CHCHD6: variants seen among roughly 807,000 people sequenced by gnomAD.
The protein encoded by CHCHD6 is MICOS complex subunit MIC25.
In CHCHD6, 28 loss-of-function variants were observed where a neutral mutation model predicts 32.3. The ratio of observed to expected loss-of-function variants is 0.87; its 90% CI spans 0.64 to 1.19. The LOEUF is 1.19. Among genes scored for constraint, CHCHD6 ranks in the 50% most tolerant of loss-of-function variants. The pLI, the probability that CHCHD6 is intolerant of heterozygous loss-of-function variation, is 0.00. For synonymous variants in CHCHD6, 122 were observed against 117.5 expected, an observed-to-expected ratio of 1.04 and a Z score of -0.25; for missense variants, 333 against 307.0, an observed-to-expected ratio of 1.08 and a Z score of -0.63.
intron 5 of CHCHD6, among the ~76,000 whole-genome samples, chr3:126,858,760 T>G (rs1559884674): frequency 6.6e-6 from 1 of 152,230 alleles, no homozygotes; most frequent in Non-Finnish European, 1.5e-5. Context: ...CTGAGTTCTA[T>G]AATTCTGAGT....
At chr3:126,846,483 A>G (rs952717821) in intron 4 of CHCHD6, among the ~76,000 whole-genome samples, 10 of 152,286 alleles carry the variant, frequency 6.6e-5, no homozygotes, top group African/African-American at 2.4e-4. Context: ...AATATTTCAA[A>G]GGGATCCACA....
intron 4 of CHCHD6, among the ~76,000 whole-genome samples, chr3:126,831,958 A>C (rs181718439): frequency 8.6e-4 from 131 of 152,316 alleles, no homozygotes; most frequent in African/African-American, 2.3e-3. Flanking sequence ...CCCTGGAGCA[A>C]GGGATAAAAA....
intron 5 of CHCHD6, among the ~76,000 whole-genome samples, chr3:126,864,922 TCCACCATCA>T (rs1291407610): frequency 6.0e-5 from 8 of 132,792 alleles, no homozygotes; most frequent in African/African-American, 1.3e-4. Flanking sequence ...CACCTTCTCC[TCCACCATCA>T]CCTCCTCCTC....
chr3:126,765,274 T>C (rs1165878234), intron 4 of CHCHD6, among the ~76,000 whole-genome samples: 1 of 152,090 alleles, frequency 6.6e-6, no homozygotes, highest in Non-Finnish European at 1.5e-5. Flanking sequence ...GTCCAGACCC[T>C]CTGGAAACCA....
At chr3:126,747,059 C>T (rs1227088880) in intron 4 of CHCHD6, among the ~76,000 whole-genome samples, 1 of 152,198 alleles carries the variant, frequency 6.6e-6, no homozygotes, top group African/African-American at 2.4e-5. Context: ...TCTCAGCTTT[C>T]ATGGCTGTGT....
intron 5 of CHCHD6, among the ~76,000 whole-genome samples, chr3:126,853,101 G>A (rs1214588847): frequency 3.3e-5 from 5 of 151,906 alleles, no homozygotes; most frequent in East Asian, 1.9e-4. Flanking sequence ...TAATAATAAC[G>A]TGATGTCTTG....
intron 5 of CHCHD6, among the ~76,000 whole-genome samples, chr3:126,862,764 C>T (rs1941987176): frequency 6.3e-5 from 1 of 15,870 alleles, no homozygotes; most frequent in Non-Finnish European, 1.1e-4. Context: ...CCTCCTCCAC[C>T]ATCACCACCT....
intron 6 of CHCHD6, among the ~76,000 whole-genome samples, chr3:126,917,057 G>T (rs1241891078): frequency 2.6e-5 from 4 of 152,204 alleles, no homozygotes; most frequent in Non-Finnish European, 5.9e-5. Flanking sequence ...TGTGAATTTG[G>T]CTTTATTGTC....
intron 4 of CHCHD6, among the ~76,000 whole-genome samples, chr3:126,847,938 G>A (rs919532935): frequency 5.3e-5 from 8 of 152,168 alleles, no homozygotes; most frequent in African/African-American, 1.7e-4. Context: ...TGGACCATCA[G>A]TCTGTCTTCC....
At chr3:126,916,400 TAAA>T (rs11338384) in intron 6 of CHCHD6, among the ~76,000 whole-genome samples, 40 of 139,728 alleles carry the variant, frequency 2.9e-4, no homozygotes, top group Admixed American at 4.9e-4. Context: ...GAATCCATCT[TAAA>T]AAAAAAAAAA....
At position 126,894,322 on chromosome 3, in the gene CHCHD6, G is replaced by C. The variant is rs532548466; in HGVS notation, c.496-20358G>C. ...TTCTCCTGAGGGCCCACAAGGGTCT[G>C]TGGAAATGAAGTCCATGGTCTTTTT... On this transcript the variant is annotated intron_variant, in intron 5 of 7. Coordinates refer to ENST00000290913, the MANE Select transcript of CHCHD6 (RefSeq NM_032343.3). Among the ~76,000 whole-genome samples, 19 of 152,372 alleles carry C rather than the reference G, an allele frequency of 1.2e-4. No homozygotes were observed. In the South Asian group the frequency reaches 3.9e-3, roughly 32 times the overall value.
intron 1 of CHCHD6, among the ~76,000 whole-genome samples, chr3:126,713,638 A>G (rs959076871): frequency 6.6e-6 from 1 of 151,976 alleles, no homozygotes; most frequent in Non-Finnish European, 1.5e-5. Flanking sequence ...CTGGGCCAAA[A>G]TGATCTATTC....
intron 5 of CHCHD6, among the ~76,000 whole-genome samples, chr3:126,888,294 G>C (rs2077705985): frequency 2.0e-5 from 3 of 152,230 alleles, no homozygotes; most frequent in African/African-American, 7.2e-5. Context: ...GGACTTCCAT[G>C]TGGTTTAAGC....
Position 126,744,474 on chromosome 3 carries a change from G to C in CHCHD6, c.411+11252G>C, listed in dbSNP as rs79070399. Among the ~76,000 whole-genome samples the C allele has an allele frequency of 2.6e-3, 394 of 152,310 alleles. 1 individual carries two copies. Among genetic ancestry groups the C allele is most frequent in the African/African-American group, 9.1e-3 (378 of 41,566 alleles). ...CTTTGTCTACTTGGTGGGTGAGCCA[G>C]GGCCCTATCTCCTGTGTGTTGGCTA... On this transcript the variant is annotated intron_variant, in intron 4 of 7. Coordinates refer to ENST00000290913, the MANE Select transcript of CHCHD6 (RefSeq NM_032343.3).
chr3:126,735,718 T>G (rs1279244734), intron 4 of CHCHD6, among the ~76,000 whole-genome samples: 1 of 152,222 alleles, frequency 6.6e-6, no homozygotes. Context: ...CTTCATGCTA[T>G]GAGGTTATAT....
chr3:126,795,953 C>G (rs1240843346), intron 4 of CHCHD6, among the ~76,000 whole-genome samples: 1 of 152,154 alleles, frequency 6.6e-6, no homozygotes, highest in African/African-American at 2.4e-5. Flanking sequence ...CAGGTGATAG[C>G]TCATAGTCAG....
intron 1 of CHCHD6, among the ~76,000 whole-genome samples, chr3:126,705,949 T>A (rs1380284436): frequency 3.3e-5 from 5 of 152,080 alleles, no homozygotes; most frequent in African/African-American, 1.2e-4. Flanking sequence ...CCTAGCAGAG[T>A]ACTTGGCACA....
chr3:126,886,787 T>C (rs2077685313), intron 5 of CHCHD6, among the ~76,000 whole-genome samples: 1 of 152,158 alleles, frequency 6.6e-6, no homozygotes, highest in African/African-American at 2.4e-5. Context: ...CCTAGGAGCC[T>C]GAGGTGCCTA....
chr3:126,899,001 G>C (rs1443894782), intron 5 of CHCHD6, among the ~76,000 whole-genome samples: 1 of 152,234 alleles, frequency 6.6e-6, no homozygotes, highest in Non-Finnish European at 1.5e-5. Context: ...GGTTCCCGCA[G>C]GCAGTTAGAC....
Sources: allele counts gnomAD v4.1 joint callset (sites outside exome capture counted in the v4.1 genomes callset), GRCh38; gene constraint gnomAD v4.1.1; transcripts MANE v1.5; gene names NCBI Gene and HGNC (gene_info 2026-07-23, HGNC 2026-07-21).